Variants in SERPINB7 observed in about 807,000 individuals in gnomAD.
The protein encoded by SERPINB7 is serpin family B member 7, also known as serpin B7.
Under a neutral mutation model 37.4 loss-of-function variants are expected in SERPINB7, and 31 were observed. The observed-to-expected ratio is 0.83, with a 90% CI of 0.62 to 1.12. The LOEUF (loss-of-function observed/expected upper bound fraction) is 1.12, where lower values mean the gene tolerates loss of function less well. SERPINB7 is among the 50% of genes most tolerant of loss of function. SERPINB7 has a pLI of 0.00. For missense variants in SERPINB7, 521 were observed against 455.3 expected (o/e 1.14, Z -1.31); for synonymous variants, 163 against 166.1 (o/e 0.98, Z 0.14).
intron 1 of SERPINB7, among the ~76,000 whole-genome samples, chr18:63,763,958 G>T (rs2049167319): frequency 1.3e-5 from 2 of 152,288 alleles, no homozygotes; most frequent in East Asian, 3.9e-4. Flanking sequence ...TTCGACCTGT[G>T]TTACTAAATG....
At chr18:63,762,994 T>C (rs564085202) in intron 1 of SERPINB7, among the ~76,000 whole-genome samples, 4 of 152,208 alleles carry the variant, frequency 2.6e-5, no homozygotes, top group Non-Finnish European at 5.9e-5. Context: ...GTCATATTCC[T>C]ATTTTTAGAT....
At chr18:63,755,488 C>T (rs9955128) in intron 1 of SERPINB7, among the ~76,000 whole-genome samples, 141,241 of 152,202 alleles carry the variant, frequency 0.93, 66,029 homozygotes, top group East Asian at 0.99. Flanking sequence ...GTAGCAGACA[C>T]TGAAGTTTGA....
intron 1 of SERPINB7, among the ~76,000 whole-genome samples, chr18:63,761,892 G>C (rs2049156245): frequency 6.6e-6 from 1 of 152,056 alleles, no homozygotes; most frequent in African/African-American, 2.4e-5. Context: ...TGCAAAAACA[G>C]ACTAATACAC....
At chr18:63,803,172 A>G (rs1031937908) in intron 7 of SERPINB7, among the ~76,000 whole-genome samples, 3 of 152,162 alleles carry the variant, frequency 2.0e-5, no homozygotes, top group Non-Finnish European at 2.9e-5. Flanking sequence ...TACATACTAT[A>G]CAATCTTAAA....
chr18:63,759,067 A>G (rs12326839), intron 1 of SERPINB7, among the ~76,000 whole-genome samples: 7,531 of 152,284 alleles, frequency 0.049, 662 homozygotes, highest in African/African-American at 0.17. Flanking sequence ...ATGGGTGCAT[A>G]CACACAAAAG....
intron 1 of SERPINB7, among the ~76,000 whole-genome samples, chr18:63,779,694 CT>C (rs1484786394): frequency 6.6e-6 from 1 of 151,644 alleles, no homozygotes; most frequent in Non-Finnish European, 1.5e-5. Flanking sequence ...CATTTATGTA[CT>C]CTGTATCCTG....
chr18:63,791,268 A>G (rs1002515908), intron 2 of SERPINB7, among the ~76,000 whole-genome samples: 5 of 152,262 alleles, frequency 3.3e-5, no homozygotes, highest in African/African-American at 4.8e-5. Flanking sequence ...CTACATATGT[A>G]TCCCAGAACT....
At chr18:63,795,294 C>T (rs1198888187) in intron 4 of SERPINB7, among the ~76,000 whole-genome samples, 2 of 152,152 alleles carry the variant, frequency 1.3e-5, no homozygotes, top group Non-Finnish European at 2.9e-5. Flanking sequence ...GGCGTGGTAG[C>T]TCATGCCTGT....
intron 1 of SERPINB7, among the ~76,000 whole-genome samples, chr18:63,776,891 A>T (rs1485273732): frequency 6.6e-6 from 1 of 151,772 alleles, no homozygotes; most frequent in Non-Finnish European, 1.5e-5. Flanking sequence ...TTCTTTTCTG[A>T]TGGGGGTAGA....
At position 63,798,765 on chromosome 18, in the gene SERPINB7, A is replaced by G; in HGVS notation, c.597+19A>G. The G allele has an allele frequency of 6.2e-7, 1 of 1,610,226 alleles. No individual in the cohort carries two copies. The highest frequency in any genetic ancestry group is 8.5e-7 in the Non-Finnish European group (1 of 1,178,286). ...TCCCAAGGTATGTCGTCAATCTCCT[A>G]TTTAATTTAGAACTTTTCCACAATC... is the stretch of plus-strand genomic sequence containing the variant. On this transcript the variant is annotated intron_variant, in intron 6 of 7. Transcript: ENST00000398019.
At chr18:63,786,144 C>CTTATAT (rs1181124480) in intron 2 of SERPINB7, among the ~76,000 whole-genome samples, 2 of 89,972 alleles carry the variant, frequency 2.2e-5, no homozygotes, top group Admixed American at 1.4e-4. Flanking sequence ...TACATATATA[C>CTTATAT]ACACACACAC....
At position 63,792,210 on chromosome 18, in the gene SERPINB7, C is replaced by T. The variant is rs1421457488; in HGVS notation, c.169-183C>T. ...AAAGAAAATGCAATAAAAATTAAAA[C>T]CAAGTATGCCTGTTGATGTGCATTC... is the stretch of plus-strand genomic sequence containing the variant. On this transcript the variant is annotated intron_variant, in intron 2 of 7. Coordinates refer to ENST00000398019, the MANE Select transcript of SERPINB7 (RefSeq NM_003784.4). Among the ~76,000 whole-genome samples the T allele has an allele frequency of 7.2e-5, 11 of 152,282 alleles. No homozygotes were observed. In the East Asian group the frequency reaches 1.9e-3, roughly 27 times the overall value.
intron 5 of SERPINB7, among the ~76,000 whole-genome samples, 195 bp downstream of exon 5, chr18:63,796,578 G>A (rs773756615): frequency 1.5e-4 from 23 of 152,116 alleles, no homozygotes; most frequent in Non-Finnish European, 2.1e-4. Context: ...TGAATGCTTT[G>A]TACTTTTCAG....
chr18:63,784,702 G>C (rs1229273956), intron 2 of SERPINB7, among the ~76,000 whole-genome samples: 2 of 152,138 alleles, frequency 1.3e-5, no homozygotes, highest in Non-Finnish European at 2.9e-5. Context: ...GTGGGCACTA[G>C]TGTCCTCACC....
In SERPINB7 at chr18:63,804,677, A is replaced by G; in HGVS notation, c.*42A>G. On this transcript the variant is annotated 3_prime_UTR_variant, in exon 8 of 8. Coordinates refer to ENST00000398019, the MANE Select transcript of SERPINB7 (RefSeq NM_003784.4). ...TGTTATAGCAGTCCCCACAACATCAAAGAACCACCACAAGTCAATAGATTT... is the reference window on the plus strand; with the variant it reads ...TGTTATAGCAGTCCCCACAACATCAGAGAACCACCACAAGTCAATAGATTT... 1 of 1,520,122 alleles carries G rather than the reference A, an allele frequency of 6.6e-7. No individual in the cohort carries two copies. Among genetic ancestry groups the G allele is most frequent in the Non-Finnish European group, 8.9e-7 (1 of 1,129,076 alleles). 94.2% of individuals were successfully genotyped at this position (1,520,122 alleles called of 1,614,324 possible).
At chr18:63,772,308 A>T (rs1173989962), upstream of SERPINB7, among the ~76,000 whole-genome samples, 1 of 152,078 alleles carries the variant, frequency 6.6e-6, no homozygotes, top group Non-Finnish European at 1.5e-5. Flanking sequence ...TATTTAATTA[A>T]AATTAAAGTG....
At chr18:63,782,825 C>T (rs2049314741) in intron 2 of SERPINB7, among the ~76,000 whole-genome samples, 1 of 152,086 alleles carries the variant, frequency 6.6e-6, no homozygotes, top group African/African-American at 2.4e-5. Flanking sequence ...TCATCAGCAC[C>T]GCCTGGAGAA....
At chr18:63,769,788 G>C (rs1313223164) in intron 1 of SERPINB7, among the ~76,000 whole-genome samples, 1 of 151,996 alleles carries the variant, frequency 6.6e-6, no homozygotes, top group Non-Finnish European at 1.5e-5. Flanking sequence ...CAGATTAATG[G>C]AACAGTGGTG....
upstream of SERPINB7, among the ~76,000 whole-genome samples, chr18:63,772,137 A>G (rs1396454076): frequency 3.9e-5 from 6 of 152,044 alleles, no homozygotes; most frequent in Admixed American, 3.3e-4. Context: ...TTATTTGAGA[A>G]AGACACAACA....
Sources: allele counts gnomAD v4.1 joint callset (sites outside exome capture counted in the v4.1 genomes callset), GRCh38; gene constraint gnomAD v4.1.1; transcripts MANE v1.5; gene names NCBI Gene and HGNC (gene_info 2026-07-23, HGNC 2026-07-21).